Variants in ARHGAP32 observed in about 807,000 individuals in gnomAD.
ARHGAP32 encodes the protein Rho GTPase activating protein 32.
In ARHGAP32, 51 loss-of-function variants were observed where a neutral mutation model predicts 186.5. The observed-to-expected ratio is 0.27, with a 90% CI of 0.22 to 0.35. The LOEUF is 0.35. Among genes scored for constraint, ARHGAP32 ranks in the 10% least tolerant of loss-of-function variants. ARHGAP32 has a pLI of 1.00. For synonymous variants in ARHGAP32, 950 were observed against 964.3 expected (o/e 0.99, Z 0.27); for missense variants, 2,186 against 2,623.5 (o/e 0.83, Z 3.64).
intron 1 of ARHGAP32, among the ~76,000 whole-genome samples, chr11:129,223,490 G>A (rs1048942677): frequency 6.6e-6 from 1 of 152,178 alleles, no homozygotes; most frequent in Admixed American, 6.6e-5. Flanking sequence ...AGAAGGCTGG[G>A]TGATGGCAGG....
At chr11:129,144,245 A>T (rs761572968) in intron 2 of ARHGAP32, among the ~76,000 whole-genome samples, 29 of 152,192 alleles carry the variant, frequency 1.9e-4, no homozygotes, top group Non-Finnish European at 4.0e-4. Context: ...AAGGAAAAAA[A>T]TAATTAGGCT....
At chr11:129,136,901 T>A (rs1243893676) in intron 2 of ARHGAP32, among the ~76,000 whole-genome samples, 1 of 152,068 alleles carries the variant, frequency 6.6e-6, no homozygotes, top group Admixed American at 6.5e-5. Flanking sequence ...CTGATTTTTT[T>A]AAACCATTTT....
At chr11:129,226,748 T>C (rs892789190) in intron 1 of ARHGAP32, among the ~76,000 whole-genome samples, 4 of 152,088 alleles carry the variant, frequency 2.6e-5, no homozygotes, top group Non-Finnish European at 5.9e-5. Flanking sequence ...CAAGTATATG[T>C]TTCTACAAGA....
chr11:128,992,456 A>C (rs543432666), intron 12 of ARHGAP32, among the ~76,000 whole-genome samples: 22 of 151,996 alleles, frequency 1.4e-4, no homozygotes, highest in Non-Finnish European at 2.6e-4. Flanking sequence ...ACCAACAACA[A>C]CACAACATTT....
intron 1 of ARHGAP32, among the ~76,000 whole-genome samples, chr11:129,201,124 A>G (rs1483923573): frequency 6.6e-6 from 1 of 152,184 alleles, no homozygotes; most frequent in African/African-American, 2.4e-5. Context: ...TCAGATCATA[A>G]GACAATTCAA....
chr11:129,213,134 C>T (rs934956253), intron 1 of ARHGAP32, among the ~76,000 whole-genome samples: 5 of 152,024 alleles, frequency 3.3e-5, no homozygotes, highest in African/African-American at 1.2e-4. Context: ...TTTGTCTAGC[C>T]TCATACTTTT....
intron 5 of ARHGAP32, among the ~76,000 whole-genome samples, chr11:129,109,325 C>A (rs1480909329): frequency 6.6e-6 from 1 of 151,928 alleles, no homozygotes; most frequent in Non-Finnish European, 1.5e-5. Context: ...TGGGTTGATT[C>A]CATATCTTTG....
intron 11 of ARHGAP32, among the ~76,000 whole-genome samples, chr11:129,018,963 C>T (rs1391189605): frequency 6.6e-6 from 1 of 152,094 alleles, no homozygotes; most frequent in African/African-American, 2.4e-5. Context: ...TATAAAAGTT[C>T]TTTAAGCCAA....
intron 2 of ARHGAP32, among the ~76,000 whole-genome samples, chr11:129,128,166 T>A (rs1407553044): frequency 6.6e-6 from 1 of 152,220 alleles, no homozygotes; most frequent in Non-Finnish European, 1.5e-5. Flanking sequence ...TTTTGCCAAA[T>A]GCTGATACTT....
At chr11:129,215,935 C>G (rs1359004974) in intron 1 of ARHGAP32, among the ~76,000 whole-genome samples, 1 of 152,088 alleles carries the variant, frequency 6.6e-6, no homozygotes, top group Non-Finnish European at 1.5e-5. Context: ...CAGGCAGTCT[C>G]TAAATGCTCG....
intron 1 of ARHGAP32, among the ~76,000 whole-genome samples, chr11:129,181,326 G>A (rs1022962791): frequency 6.6e-6 from 1 of 152,062 alleles, no homozygotes; most frequent in Admixed American, 6.6e-5. Context: ...TTGTCTGTCT[G>A]TGTACAAATA....
intron 1 of ARHGAP32, among the ~76,000 whole-genome samples, chr11:129,230,052 C>A (rs1040247283): frequency 6.6e-6 from 1 of 152,050 alleles, no homozygotes; most frequent in Non-Finnish European, 1.5e-5. Context: ...TGGGCACAAG[C>A]GATCTGCCTG....
chr11:129,053,373 C>T (rs1940131539), intron 10 of ARHGAP32, among the ~76,000 whole-genome samples: 1 of 152,144 alleles, frequency 6.6e-6, no homozygotes, highest in Admixed American at 6.5e-5. Flanking sequence ...CACGTACTTA[C>T]TGTCTTTGTG....
chr11:129,195,785 T>C (rs565971014), upstream of ARHGAP32, among the ~76,000 whole-genome samples: 113 of 152,260 alleles, frequency 7.4e-4, no homozygotes, highest in Non-Finnish European at 1.2e-3. Context: ...CCTTCTCCAG[T>C]AGTAAATGAA....
intron 1 of ARHGAP32, among the ~76,000 whole-genome samples, chr11:129,174,280 C>T (rs983564474): frequency 3.7e-4 from 56 of 152,334 alleles, no homozygotes; most frequent in Non-Finnish European, 5.1e-4. Flanking sequence ...GCACATGGCT[C>T]GGAGGGTCCT....
Position 129,040,977 on chromosome 11 carries a change from T to G in ARHGAP32, c.996A>C (p.Leu332Phe). 1 of 1,604,972 alleles carries G rather than the reference T, an allele frequency of 6.2e-7. No individual in the cohort carries two copies. The highest frequency in any genetic ancestry group is 8.5e-7 in the Non-Finnish European group (1 of 1,175,470). Residue 332 changes from leucine (L) to phenylalanine (F), a missense_variant, in exon 11 of 23, where the codon TTA becomes TTC. Physicochemically the swap from Leu to Phe is conservative, Grantham distance 22. Transcript: ENST00000682385. ...VGLFPGHCVE[L>F]INQKVPQSVT... ...CTGACTGGGGAACTTTTTGGTTAAT[T>G]AACTCAACACAGTGTCCAGGGAAGA... is the stretch of plus-strand genomic sequence containing the variant.
rs542811226 is a variant in ARHGAP32, at chr11:129,246,062, T to C, written c.-5+33084A>G. 7.9e-5 allele frequency among the ~76,000 whole-genome samples: 12 copies of C among 152,340 alleles called. No individual in the cohort carries two copies. In the South Asian group the frequency reaches 2.3e-3, roughly 29 times the overall value. ...TCATTAAACATTTATTTATAGCTCA[T>C]TGGAATCAGAAAACTATACTAGTCC... On this transcript the variant is annotated intron_variant, in intron 1 of 6. Coordinates refer to the ARHGAP32 transcript ENST00000525234.
rs368177984 is a variant in ARHGAP32 at position 128,974,459 on chromosome 11, A to G, written c.2738T>C (p.Leu913Ser). 14 of 1,614,208 alleles carry G rather than the reference A, an allele frequency of 8.7e-6. No homozygotes were observed. Among genetic ancestry groups the G allele is most frequent in the East Asian group, 2.2e-5 (1 of 44,886 alleles). Residue 913 changes from leucine to serine, a missense_variant, in exon 21 of 23, where the codon TTA becomes TCA. Coordinates refer to ENST00000682385, the MANE Select transcript of ARHGAP32 (RefSeq NM_001378024.1). Reference protein sequence around the residue: ...YAFSPKIGRKLSKSPSMSISE... With the variant: ...YAFSPKIGRKSSKSPSMSISE... ...TATGCTCATAGAAGGTGATTTGCTT[A>G]ATTTCCGTCCTATCTTCGGAGAGAA...
rs970185560 is a variant in ARHGAP32, at chr11:128,973,030, A to C, written c.3476T>G (p.Val1159Gly). 1.4e-5 allele frequency: 22 copies of C among 1,613,990 alleles called. No homozygotes were observed. In the African/African-American group the frequency reaches 2.8e-4, roughly 21 times the overall value. ...ATGTGGCTGATTCCCTGTTAAGTCTACTTGGTGATGTTGCTCCCCAGATTC... is the reference window on the plus strand; with the variant it reads ...ATGTGGCTGATTCCCTGTTAAGTCTCCTTGGTGATGTTGCTCCCCAGATTC... ...TTESGEQHHQ[V>G]DLTGNQPHQA... Residue 1159 changes from valine to glycine, a missense_variant, in exon 22 of 23, where the codon GTA becomes GGA. Val to Gly is a moderately radical substitution (Grantham distance 109). This residue lies in a region of ARHGAP32 where 1,502 missense variants were observed against 1,570.0 expected (regional missense o/e 0.96). Transcript: ENST00000682385.
Sources: allele counts gnomAD v4.1 joint callset (sites outside exome capture counted in the v4.1 genomes callset), GRCh38; gene constraint gnomAD v4.1.1; regional missense constraint gnomAD v4.1.1; transcripts MANE v1.5; gene names NCBI Gene and HGNC (gene_info 2026-07-23, HGNC 2026-07-21).